The following AMT variants were observed in gnomAD, a reference collection of about 807,000 sequenced individuals.
AMT encodes aminomethyltransferase, mitochondrial.
In AMT, 24 loss-of-function variants were observed where a neutral mutation model predicts 39.5. The ratio of observed to expected loss-of-function variants is 0.61; its 90% CI spans 0.44 to 0.86. AMT has a LOEUF of 0.86. Among genes scored for constraint, AMT ranks in the 40% least tolerant of loss-of-function variants. AMT has a pLI of 0.00. For synonymous variants in AMT, 210 were observed against 212.1 expected, an observed-to-expected ratio of 0.99 and a Z score of 0.09; for missense variants, 501 against 537.0, an observed-to-expected ratio of 0.93 and a Z score of 0.66.
In AMT at chr3:49,417,869, C is replaced by A. The variant is rs765464808; in HGVS notation, c.982G>T (p.Ala328Ser). 2 of 1,614,054 alleles carry A rather than the reference C, an allele frequency of 1.2e-6. No homozygotes were observed. The highest frequency in any genetic ancestry group is 1.7e-6 in the Non-Finnish European group (2 of 1,180,008). Residue 328 changes from alanine to serine, a missense_variant, in exon 8 of 9, where the codon GCC becomes TCC. Ala to Ser is a moderately conservative substitution (Grantham distance 99, BLOSUM62 1). Coordinates refer to ENST00000273588, the MANE Select transcript of AMT (RefSeq NM_000481.4). ...ATGGGACTGTGTGCCCGCATGGGGG[C>A]CCCCTCACACATCAACCCCACACGC... ...RRRVGLMCEG[A>S]PMRAHSPILN...
At position 49,417,108 on chromosome 3, in the gene AMT, G is replaced by A. The variant is rs1294074750; in HGVS notation, c.*432C>T. On this transcript the variant is annotated 3_prime_UTR_variant, in exon 9 of 9. Coordinates refer to ENST00000273588, the MANE Select transcript of AMT (RefSeq NM_000481.4). ...TGCATTTACGGAAAGCAAACTGGAG[G>A]GGGTAGCCTAAGTCCGCACTGCCCA... The A allele has an allele frequency of 2.7e-6, 2 of 733,512 alleles. No homozygotes were observed. The highest frequency in any genetic ancestry group is 2.7e-5 in the East Asian group (1 of 36,592). The allele number at this position is 733,512 out of a possible 1,614,324, so 45.4% of individuals were successfully genotyped here. A position where few individuals can be genotyped will look rare whatever the true frequency, so the allele number is the denominator to read the frequency against.
intron 4 of AMT, 139 bp from the exon 5 acceptor site, chr3:49,419,927 C>T (rs2049070630): frequency 2.2e-6 from 2 of 908,526 alleles, no homozygotes; most frequent in East Asian, 4.9e-5. Flanking sequence ...TAGGCTGGTT[C>T]CCATCTTACA....
intron 3 of AMT, 90 bp downstream of exon 3, chr3:49,421,402 T>C (rs2049099774): frequency 3.9e-6 from 4 of 1,014,792 alleles, no homozygotes; most frequent in Admixed American, 1.7e-5. Context: ...GTTTGACTCA[T>C]CTCTGTGCCC....
rs151231828 is a variant in AMT at position 49,422,164 on chromosome 3, A to G, written c.198T>C (p.Thr66=). ...GCTGGCGTGTGTGCAGGTGCGAGTC[A>G]GTGTGACTGTCCCGGTACTGCACTG... is the stretch of plus-strand genomic sequence containing the variant. ...SLPVQYRDSH[T]DSHLHTRQHC... The change falls in exon 2 of 9, where the codon ACT becomes ACC. Residue 66 remains threonine, a synonymous_variant. Transcript: ENST00000273588. 7.4e-6 allele frequency: 12 copies of G among 1,613,960 alleles called. No individual in the cohort carries two copies. The highest frequency in any genetic ancestry group is 1.0e-5 in the Non-Finnish European group (12 of 1,180,044).
Position 49,417,224 on chromosome 3 carries a change from C to T in AMT, c.*316G>A. 5 of 1,553,508 alleles carry T rather than the reference C, an allele frequency of 3.2e-6. No individual in the cohort carries two copies. Among genetic ancestry groups the T allele is most frequent in the Non-Finnish European group, 4.4e-6 (5 of 1,140,166 alleles). Reference sequence around the variant, plus strand: ...CAAAGGTGAGCCTTTGCTCCACAGCCAGCACCTGGCAGAGTGGGAGAGATG... The same window carrying T: ...CAAAGGTGAGCCTTTGCTCCACAGCTAGCACCTGGCAGAGTGGGAGAGATG... On this transcript the variant is annotated 3_prime_UTR_variant, in exon 9 of 9. Transcript: ENST00000273588.
chr3:49,418,329 C>T (rs994206048), intron 7 of AMT: 119 of 331,466 alleles, frequency 3.6e-4, no homozygotes, highest in Middle Eastern at 2.0e-3. Context: ...ATAACAGGCA[C>T]CCGCCACCAC....
chr3:49,416,843 G>A lies in AMT; in HGVS notation c.*697C>T, dbSNP rs757947152. ...AGTGGAGTCCATTAATGCATACCAG[G>A]GGCAAAGATCAGCCCAGGGTAAGGC... On this transcript the variant is annotated 3_prime_UTR_variant, in exon 9 of 9. Coordinates refer to ENST00000273588, the MANE Select transcript of AMT (RefSeq NM_000481.4). 2.6e-5 allele frequency: 12 copies of A among 455,292 alleles called. No homozygotes were observed. The highest frequency in any genetic ancestry group is 1.7e-4 in the South Asian group (11 of 64,480). The allele number at this position is 455,292 out of a possible 1,614,324, so 28.2% of individuals were successfully genotyped here. A position where few individuals can be genotyped will look rare whatever the true frequency, so the allele number is the denominator to read the frequency against.
At position 49,420,282 on chromosome 3, in the gene AMT, T is replaced by A. The variant is rs762084597; in HGVS notation, c.400A>T (p.Asn134Tyr). ...ACATACAGGTGGCCCTCAGAAGTAT[T>A]GGTTACAATCAAGTCATCTAAGATG... ...GGILDDLIVTNTSEGHLYVVS... is the reference protein window; with the variant it reads ...GGILDDLIVTYTSEGHLYVVS... Residue 134 changes from asparagine (N) to tyrosine (Y), a missense_variant, in exon 4 of 9, where the codon AAT (asparagine) becomes TAT (tyrosine). By Grantham distance (143) the Asn-to-Tyr change is moderately radical. Transcript: ENST00000273588. 1 of 1,614,158 alleles carries A rather than the reference T, an allele frequency of 6.2e-7. No individual in the cohort carries two copies. Among genetic ancestry groups the A allele is most frequent in the Non-Finnish European group, 8.5e-7 (1 of 1,180,024 alleles).
At position 49,417,874 on chromosome 3, in the gene AMT, T is replaced by A; in HGVS notation, c.977A>T (p.Glu326Val). 6.2e-7 allele frequency: 1 copy of A among 1,613,950 alleles called. No individual in the cohort carries two copies. The highest frequency in any genetic ancestry group is 8.5e-7 in the Non-Finnish European group (1 of 1,179,986). ...ACTGTGTGCCCGCATGGGGGCCCCC[T>A]CACACATCAACCCCACACGCCTCCG... is the stretch of plus-strand genomic sequence containing the variant. ...VQRRRVGLMCEGAPMRAHSPI... is the reference protein window; with the variant it reads ...VQRRRVGLMCVGAPMRAHSPI... The change falls in exon 8 of 9, where the codon GAG (glutamate) becomes GTG (valine). Residue 326 changes from glutamate (E) to valine (V), a missense_variant. By Grantham distance (121) the Glu-to-Val change is moderately radical (BLOSUM62 -2). Transcript: ENST00000273588.
Position 49,419,127 on chromosome 3 carries a change from C to G in AMT, c.721G>C (p.Val241Leu). ...VEISVPVAGA[V>L]HLATAILKNP... is the part of the protein sequence containing the mutation. ...TTCAGAATAGCTGTTGCCAGGTGAA[C>G]TGCCCCCGCTACCGGCACCGAGATC... The change falls in exon 7 of 9, where the codon GTT becomes CTT. Residue 241 changes from valine to leucine, a missense_variant. Physicochemically the swap from Val to Leu is conservative, Grantham distance 32 (BLOSUM62 1). Coordinates refer to ENST00000273588, the MANE Select transcript of AMT (RefSeq NM_000481.4). 8 of 1,614,050 alleles carry G rather than the reference C, an allele frequency of 5.0e-6. No individual in the cohort carries two copies. Among genetic ancestry groups the G allele is most frequent in the Non-Finnish European group, 6.8e-6 (8 of 1,179,990 alleles).
At chr3:49,420,486 G>A in intron 3 of AMT, 144 bp from the exon 4 acceptor site, 3 of 1,258,646 alleles carry the variant, frequency 2.4e-6, no homozygotes, top group Non-Finnish European at 3.4e-6. Context: ...GTACAAGTCT[G>A]GGCCCAAGTC....
intron 2 of AMT, chr3:49,421,896 T>C (rs2049108956): frequency 3.9e-6 from 3 of 773,288 alleles, no homozygotes; most frequent in Admixed American, 4.0e-5. Context: ...CACCATTTAA[T>C]GGGGGCAAGC....
At position 49,419,165 on chromosome 3, in the gene AMT, C is replaced by T. The variant is rs2049054743; in HGVS notation, c.697-14G>A. ...CGGCACCGAGATCTGTATGAAACACCAGAGGGCAGATGGGAAGCTCCCTGT... is the reference window on the plus strand; with the variant it reads ...CGGCACCGAGATCTGTATGAAACACTAGAGGGCAGATGGGAAGCTCCCTGT... On this transcript the variant is annotated splice_polypyrimidine_tract_variant and intron_variant, in intron 6 of 8. Coordinates refer to ENST00000273588, the MANE Select transcript of AMT (RefSeq NM_000481.4). The T allele has an allele frequency of 3.7e-6, 6 of 1,613,700 alleles. No individual in the cohort carries two copies. In the South Asian group the frequency reaches 5.5e-5, roughly 15 times the overall value.
rs2049076356 is a variant in AMT at position 49,420,241 on chromosome 3, G to C, written c.441C>G (p.Gly147=). 7.4e-6 allele frequency: 12 copies of C among 1,614,084 alleles called. No individual in the cohort carries two copies. The highest frequency in any genetic ancestry group is 1.0e-5 in the Non-Finnish European group (12 of 1,180,032). Residue 147 remains glycine (G), a synonymous_variant, in exon 4 of 9, where the codon GGC becomes GGG. Transcript: ENST00000273588. ...EGHLYVVSNA[G]CWEKDLALMQ... ...TGAGGGCCAAATCTTTCTCCCAGCAGCCAGCGTTGGACACCACATACAGGT... is the reference window on the plus strand; with the variant it reads ...TGAGGGCCAAATCTTTCTCCCAGCACCCAGCGTTGGACACCACATACAGGT...
intron 3 of AMT, 22 bp downstream of exon 3, chr3:49,421,470 G>C: frequency 6.2e-7 from 1 of 1,604,816 alleles, no homozygotes; most frequent in Non-Finnish European, 8.5e-7. Flanking sequence ...AAAACTCATA[G>C]AGCAGAAATA....
At chr3:49,421,114 A>C in intron 3 of AMT, 1 of 301,712 alleles carries the variant, frequency 3.3e-6, no homozygotes, top group Admixed American at 4.5e-5. Context: ...CATGTTGGCC[A>C]GGCTGGTCTC....
chr3:49,421,089 G>T (rs954544882), intron 3 of AMT: 36 of 281,194 alleles, frequency 1.3e-4, no homozygotes, highest in South Asian at 9.6e-4. Context: ...GTTTTTAGTA[G>T]AAACGAGGTT....
intron 7 of AMT, chr3:49,418,246 G>A (rs1360928654): frequency 2.1e-5 from 10 of 484,068 alleles, no homozygotes; most frequent in South Asian, 1.1e-4. Flanking sequence ...GCAGTGGCAC[G>A]ATCTCAGCTC....
chr3:49,420,603 G>A, intron 3 of AMT: 1 of 489,216 alleles, frequency 2.0e-6, no homozygotes, highest in Non-Finnish European at 3.8e-6. Flanking sequence ...TCTGTACTGA[G>A]AGTCCCATCT....
Sources: gnomAD v4.1 joint callset for allele counts on GRCh38, gnomAD v4.1.1 for gene constraint, MANE v1.5 for transcripts, NCBI Gene and HGNC (gene_info 2026-07-23, HGNC 2026-07-21) for gene names.